SRGAP3: variants seen among roughly 807,000 people sequenced by gnomAD.
The protein encoded by SRGAP3 is SLIT-ROBO Rho GTPase-activating protein 3.
Under a neutral mutation model 121.1 loss-of-function variants are expected in SRGAP3, and 39 were observed. The observed-to-expected ratio is 0.32, with a 90% CI of 0.25 to 0.42. The LOEUF (loss-of-function observed/expected upper bound fraction) is 0.42. Ranked by LOEUF, SRGAP3 falls within the 10% of genes least tolerant of loss-of-function variation. SRGAP3 has a pLI of 1.00. For synonymous variants in SRGAP3, 601 were observed against 570.0 expected (o/e 1.05, Z -0.77); for missense variants, 1,213 against 1,470.6 (o/e 0.82, Z 2.86).
intron 3 of SRGAP3, among the ~76,000 whole-genome samples, chr3:9,082,328 A>G (rs1490579998): frequency 6.6e-6 from 1 of 152,210 alleles, no homozygotes; most frequent in Non-Finnish European, 1.5e-5. Context: ...ATTCCTTTAC[A>G]GCAATGTAAG....
intron 9 of SRGAP3, among the ~76,000 whole-genome samples, chr3:9,050,666 C>A (rs975434971): frequency 1.3e-5 from 2 of 152,218 alleles, no homozygotes; most frequent in African/African-American, 4.8e-5. Context: ...CTCCTAACTT[C>A]GAGTAGGCCA....
chr3:9,271,333 C>CA (rs893876792), intron 3 of SRGAP3, among the ~76,000 whole-genome samples: 60 of 152,036 alleles, frequency 3.9e-4, no homozygotes, highest in African/African-American at 1.4e-3. Flanking sequence ...GACCCTGTCT[C>CA]AAAAAAATAA....
chr3:9,216,627 C>G (rs1409971133), intron 1 of SRGAP3: 2 of 152,640 alleles, frequency 1.3e-5, no homozygotes, highest in Admixed American at 6.5e-5. Flanking sequence ...ATTCTTACTT[C>G]AGTCCCACGT....
chr3:8,994,658 T>A (rs1001215600), intron 18 of SRGAP3, 135 bp from the exon 19 acceptor site: 47 of 1,179,830 alleles, frequency 4.0e-5, no homozygotes, highest in Middle Eastern at 5.4e-4. Flanking sequence ...GAACGCCTGG[T>A]GGGCTGGGGC....
intron 3 of SRGAP3, among the ~76,000 whole-genome samples, chr3:9,262,357 C>A (rs1014226383): frequency 1.3e-5 from 2 of 151,778 alleles, no homozygotes; most frequent in Admixed American, 1.3e-4. Flanking sequence ...TCACACATAA[C>A]AATATTAACT....
At chr3:9,022,342 TAAATAAATA>T (rs1943969275) in intron 14 of SRGAP3, among the ~76,000 whole-genome samples, 1 of 151,954 alleles carries the variant, frequency 6.6e-6, no homozygotes, top group East Asian at 1.9e-4. Flanking sequence ...ACTAACTAAA[TAAATAAATA>T]AAATACAGGA....
At chr3:9,219,714 G>A (rs1468130543) in intron 1 of SRGAP3, among the ~76,000 whole-genome samples, 1 of 152,146 alleles carries the variant, frequency 6.6e-6, no homozygotes, top group Non-Finnish European at 1.5e-5. Context: ...AGCCAGGCAT[G>A]GTGGTGGGCA....
intron 3 of SRGAP3, among the ~76,000 whole-genome samples, chr3:9,254,796 T>C (rs2125252889): frequency 1.5e-5 from 2 of 129,508 alleles, no homozygotes; most frequent in South Asian, 2.3e-4. Flanking sequence ...AGCAAGGCTC[T>C]GAAAAAAAGA....
intron 1 of SRGAP3, among the ~76,000 whole-genome samples, chr3:9,133,458 T>C (rs1949533876): frequency 1.3e-5 from 2 of 152,172 alleles, no homozygotes; most frequent in South Asian, 4.1e-4. Flanking sequence ...CACTCCAGCC[T>C]GGGCAACAGA....
chr3:9,210,401 C>T (rs4686330), intron 1 of SRGAP3, among the ~76,000 whole-genome samples: 35,920 of 151,872 alleles, frequency 0.24, 5,395 homozygotes, highest in Admixed American at 0.39. Context: ...GCTGGAGTAT[C>T]GCTTGAGCCG....
At chr3:9,058,696 C>A in intron 6 of SRGAP3, 7 of 488,016 alleles carry the variant, frequency 1.4e-5, no homozygotes, top group Non-Finnish European at 2.6e-5. Context: ...TCCCTATATT[C>A]ACCATCTTTC....
At chr3:9,245,348 G>A (rs908017862) in intron 1 of SRGAP3, among the ~76,000 whole-genome samples, 4 of 152,148 alleles carry the variant, frequency 2.6e-5, no homozygotes, top group African/African-American at 9.7e-5. Flanking sequence ...ATTGTTTCAC[G>A]TGGCCAACTT....
At chr3:9,205,127 T>C (rs1051415428) in intron 1 of SRGAP3, among the ~76,000 whole-genome samples, 1 of 152,170 alleles carries the variant, frequency 6.6e-6, no homozygotes, top group Non-Finnish European at 1.5e-5. Flanking sequence ...AAATGCGCAG[T>C]GAACACTACA....
chr3:9,056,307 C>G lies in SRGAP3; in HGVS notation c.1051G>C (p.Val351Leu), dbSNP rs187226406. 9 of 1,613,650 alleles carry G rather than the reference C, an allele frequency of 5.6e-6. No individual in the cohort carries two copies. In the South Asian group the frequency reaches 8.8e-5, roughly 16 times the overall value. Residue 351 changes from valine to leucine, a missense_variant, in exon 8 of 22, where the codon GTC becomes CTC. Around this residue, in one of 2 missense-constraint regions of SRGAP3, gnomAD observed 793 missense variants for 1,032.9 expected, o/e 0.77. Coordinates refer to ENST00000383836, the MANE Select transcript of SRGAP3 (RefSeq NM_014850.4). Reference sequence around the variant, plus strand: ...TAACGCATGAGCAGTTCTGTCTGGACGGGCTGCTGAGCGCTGACCTGGCAG... The same window carrying G: ...TAACGCATGAGCAGTTCTGTCTGGAGGGGCTGCTGAGCGCTGACCTGGCAG... ...EVCQVSAQQPVQTELLMRYHQ... is the reference protein window; with the variant it reads ...EVCQVSAQQPLQTELLMRYHQ...
chr3:9,104,073 TTAAA>T (rs1186504853), intron 3 of SRGAP3, among the ~76,000 whole-genome samples: 1 of 152,190 alleles, frequency 6.6e-6, no homozygotes, highest in Non-Finnish European at 1.5e-5. Context: ...CAATAAGAGA[TTAAA>T]TAGAGTACAT....
chr3:9,096,884 ATATT>A (rs1947988105), intron 3 of SRGAP3, among the ~76,000 whole-genome samples: 4 of 141,674 alleles, frequency 2.8e-5, no homozygotes, highest in South Asian at 2.2e-4. Context: ...AATATATAAT[ATATT>A]ATTATATATT....
At chr3:9,075,290 A>G (rs552463559) in intron 4 of SRGAP3, among the ~76,000 whole-genome samples, 1 of 152,338 alleles carries the variant, frequency 6.6e-6, no homozygotes, top group African/African-American at 2.4e-5. Context: ...GCACGCTTGC[A>G]TATATGTGTA....
chr3:9,244,312 T>A (rs1953749200), intron 1 of SRGAP3, among the ~76,000 whole-genome samples: 1 of 152,164 alleles, frequency 6.6e-6, no homozygotes, highest in Non-Finnish European at 1.5e-5. Flanking sequence ...ATGTAGATAA[T>A]CAACTTTTGT....
At chr3:9,313,559 C>A (rs1301413353) in intron 3 of SRGAP3, among the ~76,000 whole-genome samples, 1 of 151,390 alleles carries the variant, frequency 6.6e-6, no homozygotes, top group East Asian at 1.9e-4. Context: ...CACCTGTAAT[C>A]CCAGGTACTT....
Sources: gnomAD v4.1 joint callset for allele counts (sites outside exome capture counted in the v4.1 genomes callset) on GRCh38, gnomAD v4.1.1 for gene constraint, gnomAD v4.1.1 regional missense constraint, MANE v1.5 for transcripts, NCBI Gene and HGNC (gene_info 2026-07-23, HGNC 2026-07-21) for gene names.